The following PSIP1 variants were observed in gnomAD, a reference collection of about 807,000 sequenced individuals.
PSIP1 encodes the protein PC4 and SRSF1 interacting protein 1, also known as PC4 and SFRS1-interacting protein.
Under a neutral mutation model 74.7 loss-of-function variants are expected in PSIP1, and 19 were observed. The observed-to-expected ratio is 0.25, with a 90% confidence interval of 0.18 to 0.37. The LOEUF (loss-of-function observed/expected upper bound fraction) is 0.37. Among genes scored for constraint, PSIP1 ranks in the 10% least tolerant of loss-of-function variants. The pLI is 1.00. For missense variants in PSIP1, 601 were observed against 614.3 expected (o/e 0.98, Z 0.23); for synonymous variants, 222 against 195.3 (o/e 1.14, Z -1.14).
At chr9:15,495,467 G>A (rs1454957842) in intron 3 of PSIP1, among the ~76,000 whole-genome samples, 3 of 152,066 alleles carry the variant, frequency 2.0e-5, no homozygotes, top group Admixed American at 1.3e-4. Context: ...TTATGTAAAT[G>A]CATAAGGAAA....
chr9:15,489,352 A>C (rs1563885478), intron 4 of PSIP1: 1 of 152,196 alleles, frequency 6.6e-6, no homozygotes, highest in Non-Finnish European at 1.5e-5. Context: ...TCTCATCTGT[A>C]ATCCCAGCAT....
intron 3 of PSIP1, among the ~76,000 whole-genome samples, chr9:15,500,994 T>C (rs2037316828): frequency 6.6e-6 from 1 of 152,184 alleles, no homozygotes; most frequent in Non-Finnish European, 1.5e-5. Context: ...TTGCCAAAGC[T>C]GAACATTTTA....
chr9:15,510,091 A>C (rs1291263297), intron 2 of PSIP1, 26 bp downstream of exon 2: 1 of 1,596,148 alleles, frequency 6.3e-7, no homozygotes, highest in Non-Finnish European at 8.5e-7. Flanking sequence ...TAGCACTGCT[A>C]AGCGCGAGGG....
At chr9:15,510,633 A>T (rs1296810826) in intron 1 of PSIP1, among the ~76,000 whole-genome samples, 184 bp downstream of exon 1, 4 of 152,008 alleles carry the variant, frequency 2.6e-5, no homozygotes, top group Admixed American at 2.6e-4. Flanking sequence ...GGAGAGAAAA[A>T]GGCAGGGATT....
intron 9 of PSIP1, among the ~76,000 whole-genome samples, chr9:15,473,645 A>C (rs147273969): frequency 6.6e-6 from 1 of 152,186 alleles, no homozygotes; most frequent in Non-Finnish European, 1.5e-5. Flanking sequence ...TGGTGCCTGT[A>C]ATCCCGGCAC....
At chr9:15,507,879 A>G (rs1165853926) in intron 2 of PSIP1, among the ~76,000 whole-genome samples, 2 of 152,172 alleles carry the variant, frequency 1.3e-5, no homozygotes, top group African/African-American at 2.4e-5. Context: ...ATTACCACCC[A>G]ATATCTCTAG....
Position 15,464,900 on chromosome 9 carries a change from C to A in PSIP1, c.*620G>T, listed in dbSNP as rs2737835. 0.9 allele frequency: 191,106 copies of A among 213,190 alleles called. 86,113 individuals carry two copies. The highest frequency in any genetic ancestry group is 0.93 in the African/African-American group (41,296 of 44,350). The allele number at this position is 213,190 out of a possible 1,614,324, so 13.2% of individuals were successfully genotyped here. On this transcript the variant is annotated 3_prime_UTR_variant, in exon 16 of 16. Coordinates refer to ENST00000380733, the MANE Select transcript of PSIP1 (RefSeq NM_033222.5). ...TTATAGTTTGTAGAATTCTCAGTTC[C>A]ATGTCAGTTGCTTAATTAGTTGTCA...
Position 15,510,266 on chromosome 9 carries a change from ACGCGGGCCCAGCTACCGGGCCCGCG to A in PSIP1, c.-103_-79del. The A allele has an allele frequency of 7.2e-7, 1 of 1,379,970 alleles. No homozygotes were observed. Among genetic ancestry groups the A allele is most frequent in the African/African-American group, 1.5e-5 (1 of 67,116 alleles). The allele number at this position is 1,379,970 out of a possible 1,614,324, so 85.5% of individuals were successfully genotyped here. A position where few individuals can be genotyped will look rare whatever the true frequency, so the allele number is the denominator to read the frequency against. ...GGCGGCGCGGGGATGCGGGCGGCGG[ACGCGGGCCCAGCTACCGGGCCCGCG>A]GGCGGGGGAGGATGCCTCGGGGCGT... On this transcript the variant is annotated 5_prime_UTR_variant, in exon 2 of 16. Coordinates refer to ENST00000380733, the MANE Select transcript of PSIP1 (RefSeq NM_033222.5).
At chr9:15,465,708 C>T (rs2035577735) in intron 15 of PSIP1, 128 bp from the exon 16 acceptor site, 1 of 712,038 alleles carries the variant, frequency 1.4e-6, no homozygotes, top group Non-Finnish European at 2.3e-6. Context: ...AAAAGAAAAA[C>T]TTGACTTGTT....
intron 3 of PSIP1, among the ~76,000 whole-genome samples, chr9:15,492,920 G>A (rs1477842617): frequency 2.6e-5 from 4 of 152,160 alleles, no homozygotes; most frequent in East Asian, 1.9e-4. Flanking sequence ...AAGTCCCAAC[G>A]CTGCACGCAG....
intron 9 of PSIP1, among the ~76,000 whole-genome samples, chr9:15,473,619 C>T (rs1185755867): frequency 6.6e-6 from 1 of 152,062 alleles, no homozygotes; most frequent in Admixed American, 6.6e-5. Flanking sequence ...TTAAGAAATA[C>T]ATAAATGGCC....
intron 10 of PSIP1, chr9:15,472,188 T>A (rs1327758055): frequency 1.0e-6 from 1 of 986,866 alleles, no homozygotes; most frequent in Non-Finnish European, 1.2e-6. Context: ...TTTACTGGCT[T>A]CCTGGGTTTC....
chr9:15,510,700 C>T (rs2037829538), intron 1 of PSIP1, 117 bp downstream of exon 1: 1 of 152,682 alleles, frequency 6.5e-6, no homozygotes. Flanking sequence ...AACCTGCTGC[C>T]CAGCGGCTGC....
chr9:15,477,359 G>A lies in PSIP1; in HGVS notation c.629+1118C>T, dbSNP rs563794183. On this transcript the variant is annotated intron_variant, in intron 8 of 15. Transcript: ENST00000380733. ...TTATTTTGTGGTGAGAACCCTTAAAGTCTACTCTCTTAGTAATTTTCAAGT... is the reference window on the plus strand; with the variant it reads ...TTATTTTGTGGTGAGAACCCTTAAAATCTACTCTCTTAGTAATTTTCAAGT... Among the ~76,000 whole-genome samples the A allele has an allele frequency of 2.0e-5, 3 of 152,166 alleles. No individual in the cohort carries two copies. In the East Asian group the frequency reaches 5.8e-4, roughly 29 times the overall value.
At chr9:15,510,045 G>A (rs2037783095) in intron 2 of PSIP1, 72 bp downstream of exon 2, 1 of 1,416,472 alleles carries the variant, frequency 7.1e-7, no homozygotes, top group Non-Finnish European at 9.7e-7. Context: ...AAAAAATAAA[G>A]AGACACGGTG....
intron 2 of PSIP1, among the ~76,000 whole-genome samples, chr9:15,507,779 T>A (rs546447062): frequency 1.3e-5 from 2 of 152,356 alleles, no homozygotes; most frequent in South Asian, 4.1e-4. Context: ...CTATCCTCTG[T>A]AAGCATTATG....
At chr9:15,485,675 GCATAAACATTTCA>G in intron 6 of PSIP1, among the ~76,000 whole-genome samples, 1 of 152,154 alleles carries the variant, frequency 6.6e-6, no homozygotes, top group Non-Finnish European at 1.5e-5. Context: ...TCAGGATTTA[GCATAAACATTTCA>G]CATATGTTAA....
chr9:15,467,014 C>G lies in PSIP1; in HGVS notation c.1421-155G>C, dbSNP rs112104929. ...AAATTACATTGTAATACAGCCCTCT[C>G]TTGAATGTTAGAATTGGGTTTTGAT... On this transcript the variant is annotated intron_variant, in intron 14 of 15. Coordinates refer to ENST00000380733, the MANE Select transcript of PSIP1 (RefSeq NM_033222.5). Among the ~76,000 whole-genome samples, 11 of 127,250 alleles carry G rather than the reference C, an allele frequency of 8.6e-5. 2 individuals carry two copies. The highest frequency in any genetic ancestry group is 3.4e-4 in the African/African-American group (11 of 32,384). 83.5% of individuals were successfully genotyped at this position (127,250 alleles called of 152,430 possible).
chr9:15,476,874 C>G (rs558749776), intron 8 of PSIP1, among the ~76,000 whole-genome samples: 1 of 152,066 alleles, frequency 6.6e-6, no homozygotes, highest in African/African-American at 2.4e-5. Context: ...CACTATGGTC[C>G]GAAAGTAGGC....
Sources: gnomAD v4.1 joint callset for allele counts (sites outside exome capture counted in the v4.1 genomes callset) on GRCh38, gnomAD v4.1.1 for gene constraint, MANE v1.5 for transcripts, NCBI Gene and HGNC (gene_info 2026-07-23, HGNC 2026-07-21) for gene names.